EVL: variants seen among roughly 807,000 people sequenced by gnomAD.
The protein encoded by EVL is Enah/Vasp-like.
A neutral mutation model predicts 59.6 loss-of-function variants in EVL; 21 were observed. That is an observed-to-expected ratio of 0.35 (90% CI 0.25 to 0.51). The LOEUF (loss-of-function observed/expected upper bound fraction) is 0.51. Ranked by LOEUF, EVL falls within the 20% of genes least tolerant of loss-of-function variation. The probability of loss-of-function intolerance (pLI) is 0.97; values close to 1 mark genes in which losing one functional copy is unlikely to be tolerated. For missense variants in EVL, 462 were observed against 546.6 expected, an observed-to-expected ratio of 0.85 and a Z score of 1.54; for synonymous variants, 198 against 203.5, an observed-to-expected ratio of 0.97 and a Z score of 0.23.
At chr14:99,997,282 G>C (rs1264974335) in intron 1 of EVL, among the ~76,000 whole-genome samples, 1 of 152,230 alleles carries the variant, frequency 6.6e-6, no homozygotes, top group East Asian at 1.9e-4. Context: ...AGGAAGTTAA[G>C]AAGCTGGAAG....
intron 3 of EVL, among the ~76,000 whole-genome samples, chr14:100,112,582 T>G (rs960381563): frequency 2.6e-5 from 4 of 152,216 alleles, no homozygotes; most frequent in African/African-American, 9.6e-5. Flanking sequence ...TCATCCCAGT[T>G]ACGCCATGCC....
At chr14:100,129,511 C>G in intron 6 of EVL, 52 bp from the exon 7 acceptor site, 1 of 1,609,550 alleles carries the variant, frequency 6.2e-7, no homozygotes, top group Non-Finnish European at 8.5e-7. Context: ...CGTTGCTGCT[C>G]CTGTTCTGCC....
At chr14:100,073,905 G>T (rs182374396) in intron 1 of EVL, among the ~76,000 whole-genome samples, 1 of 151,480 alleles carries the variant, frequency 6.6e-6, no homozygotes, top group Non-Finnish European at 1.5e-5. Flanking sequence ...GGCAAGTATG[G>T]TAAGTGTTCT....
At chr14:100,021,115 G>A (rs529836407) in intron 1 of EVL, among the ~76,000 whole-genome samples, 32 of 152,220 alleles carry the variant, frequency 2.1e-4, no homozygotes, top group Non-Finnish European at 3.7e-4. Context: ...GCGCAATTGC[G>A]TAGTTCACGT....
At chr14:100,088,299 C>G (rs962206027) in intron 2 of EVL, among the ~76,000 whole-genome samples, 1 of 152,214 alleles carries the variant, frequency 6.6e-6, no homozygotes, top group Non-Finnish European at 1.5e-5. Context: ...TCTCCACCAT[C>G]AAGCATCTTT....
intron 2 of EVL, among the ~76,000 whole-genome samples, chr14:100,096,114 C>T (rs938991843): frequency 1.3e-5 from 2 of 152,204 alleles, no homozygotes; most frequent in Admixed American, 1.3e-4. Flanking sequence ...GACCCAAGCC[C>T]ACCTTCCACC....
Position 100,127,508 on chromosome 14 carries a change from C to T in EVL, c.487+737C>T, listed in dbSNP as rs1297282700. The stretch of plus-strand genomic sequence containing the variant: ...CCACCTAGCTGCTGCTGGCCTCCTG[C>T]TCCCCGGCCAGTCTGCATTTCTGAT... On this transcript the variant is annotated intron_variant, in intron 5 of 13. Coordinates refer to ENST00000392920, the MANE Select transcript of EVL (RefSeq NM_016337.3). This position sits in a 1 kb window ranked among gnomAD's most constrained non-coding sequence, Gnocchi z 4.2. 6.6e-6 allele frequency among the ~76,000 whole-genome samples: 1 copy of T among 152,206 alleles called. No individual in the cohort carries two copies. Among genetic ancestry groups the T allele is most frequent in the African/African-American group, 2.4e-5 (1 of 41,446 alleles).
intron 2 of EVL, among the ~76,000 whole-genome samples, chr14:100,092,674 G>T (rs969565597): frequency 1.3e-5 from 2 of 152,204 alleles, no homozygotes; most frequent in Non-Finnish European, 2.9e-5. Context: ...GGCAGAGGTT[G>T]CAGTGAGCTG....
chr14:99,980,644 AT>A (rs143010415), intron 1 of EVL, among the ~76,000 whole-genome samples: 8,072 of 152,268 alleles, frequency 0.053, 750 homozygotes, highest in African/African-American at 0.18. Flanking sequence ...GGGTCCAAAT[AT>A]ATTTCTGAAC....
intron 2 of EVL, among the ~76,000 whole-genome samples, chr14:100,094,769 C>T (rs1254771167): frequency 6.7e-6 from 1 of 148,714 alleles, no homozygotes; most frequent in Admixed American, 6.7e-5. Flanking sequence ...GGGCCAGGCA[C>T]GGTGGCTCAC....
chr14:100,058,224 T>G (rs573215487), intron 1 of EVL, among the ~76,000 whole-genome samples: 7 of 152,366 alleles, frequency 4.6e-5, no homozygotes, highest in African/African-American at 1.4e-4. Context: ...CTGCCTTCTC[T>G]TGGAGTCTGG....
At chr14:100,079,381 T>C (rs2062241010) in intron 1 of EVL, among the ~76,000 whole-genome samples, 1 of 152,194 alleles carries the variant, frequency 6.6e-6, no homozygotes, top group Non-Finnish European at 1.5e-5. Context: ...GTTTAACAAT[T>C]ATTCATGTCT....
At chr14:100,001,528 G>A (rs117925440) in intron 1 of EVL, among the ~76,000 whole-genome samples, 3,353 of 152,300 alleles carry the variant, frequency 0.022, 60 homozygotes, top group Admixed American at 0.055. Flanking sequence ...AAAGTGCAGC[G>A]AGAGTAATTA....
chr14:100,019,396 A>G (rs765193947), intron 1 of EVL: 2 of 423,264 alleles, frequency 4.7e-6, no homozygotes, highest in Non-Finnish European at 8.2e-6. Context: ...CCCAGCCTGG[A>G]GCCTAAGCAT....
chr14:100,085,572 T>G (rs1234288528), intron 2 of EVL, among the ~76,000 whole-genome samples: 1 of 152,170 alleles, frequency 6.6e-6, no homozygotes, highest in East Asian at 1.9e-4. Context: ...AACAGATCTG[T>G]GATTATAGCA....
At chr14:100,015,059 G>A (rs1355738326) in intron 1 of EVL, among the ~76,000 whole-genome samples, 1 of 152,172 alleles carries the variant, frequency 6.6e-6, no homozygotes, top group Non-Finnish European at 1.5e-5. Context: ...ATTCTGTTCA[G>A]ATGCTCAGTC....
intron 1 of EVL, among the ~76,000 whole-genome samples, chr14:99,976,168 C>G (rs1315549270): frequency 6.6e-6 from 1 of 151,568 alleles, no homozygotes; most frequent in African/African-American, 2.4e-5. Context: ...GGCACACGCC[C>G]CCATGGCCAG....
In EVL at chr14:100,018,098, A is replaced by G. The variant is rs74084425; in HGVS notation, c.5+46041A>G. ...TATGTCAGGCATTGGGAATACAGAA[A>G]TTAACTTCACACATTCCTGTCCTCA... On this transcript the variant is annotated intron_variant, in intron 1 of 13. Coordinates refer to the EVL transcript ENST00000402714. Among the ~76,000 whole-genome samples, 1,725 of 152,366 alleles carry G rather than the reference A, an allele frequency of 0.011. 73 individuals carry two copies. In the East Asian group the frequency reaches 0.15, roughly 13 times the overall value.
chr14:100,053,789 T>C lies in EVL; in HGVS notation c.6-30898T>C, dbSNP rs531690681. Among the ~76,000 whole-genome samples the C allele has an allele frequency of 1.1e-4, 17 of 152,224 alleles. No individual in the cohort carries two copies. The South Asian group carries it at 3.5e-3, about 32-fold the overall frequency. ...TCAGCCTCCTGAGTAGCTGGGACTA[T>C]AGGCACATGCTACTGCACCCAGCTA... On this transcript the variant is annotated intron_variant, in intron 1 of 13. Coordinates refer to the EVL transcript ENST00000402714.
Sources: gnomAD v4.1 joint callset for allele counts (sites outside exome capture counted in the v4.1 genomes callset) on GRCh38, gnomAD v4.1.1 for gene constraint, Gnocchi (gnomAD v3.1) non-coding constraint, MANE v1.5 for transcripts, NCBI Gene and HGNC (gene_info 2026-07-23, HGNC 2026-07-21) for gene names.